The following CCDC3 variants were observed in gnomAD, a reference collection of about 807,000 sequenced individuals.
CCDC3 encodes coiled-coil domain containing 3, also known as coiled-coil domain-containing protein 3.
In CCDC3, 24 loss-of-function variants were observed where a neutral mutation model predicts 21.4. The observed-to-expected ratio is 1.12, with a 90% confidence interval of 0.81 to 1.58. The LOEUF (loss-of-function observed/expected upper bound fraction) is 1.58, where lower values mean the gene tolerates loss of function less well. Among genes scored for constraint, CCDC3 ranks in the 40% most tolerant of loss-of-function variants. The pLI is 0.00. For synonymous variants in CCDC3, 186 were observed against 166.0 expected, an observed-to-expected ratio of 1.12 and a Z score of -0.93; for missense variants, 425 against 360.9, an observed-to-expected ratio of 1.18 and a Z score of -1.44.
intron 2 of CCDC3, among the ~76,000 whole-genome samples, chr10:12,938,290 ACCAGTCCACACGTTCAATACTTTTAGCCC>A (rs1456658485): frequency 6.6e-6 from 1 of 152,072 alleles, no homozygotes; most frequent in Admixed American, 6.6e-5. Flanking sequence ...CTTTCTGATC[ACCAGTCCACACGTTCAATACTTTTAGCCC>A]CCAGTCCTCT....
intron 2 of CCDC3, among the ~76,000 whole-genome samples, chr10:12,902,020 C>T (rs1358663812): frequency 6.6e-6 from 1 of 152,216 alleles, no homozygotes; most frequent in Admixed American, 6.5e-5. Flanking sequence ...GTCCCCCTCC[C>T]CAGTCTCCAT....
At chr10:12,963,241 A>G (rs1372867977) in intron 2 of CCDC3, among the ~76,000 whole-genome samples, 1 of 152,178 alleles carries the variant, frequency 6.6e-6, no homozygotes. Flanking sequence ...ACATAGGCCA[A>G]CTGCTCACTC....
At chr10:13,087,673 G>A (rs748660393) in intron 3 of CCDC3, among the ~76,000 whole-genome samples, 15 of 151,810 alleles carry the variant, frequency 9.9e-5, no homozygotes, top group Non-Finnish European at 2.2e-4. Context: ...GATAAGCTAT[G>A]TTGGGGCTTA....
chr10:12,984,395 A>G (rs1042853167), intron 2 of CCDC3, among the ~76,000 whole-genome samples: 13 of 152,202 alleles, frequency 8.5e-5, no homozygotes, highest in African/African-American at 3.1e-4. Flanking sequence ...AATCATTAAG[A>G]TAGACAATAA....
At chr10:12,916,784 C>T (rs1004456973) in intron 2 of CCDC3, among the ~76,000 whole-genome samples, 3 of 152,204 alleles carry the variant, frequency 2.0e-5, no homozygotes, top group Admixed American at 6.5e-5. Flanking sequence ...CAAGGCTGGC[C>T]TGGAGGCTGG....
chr10:12,950,127 T>C lies in CCDC3; in HGVS notation c.549+48211A>G, dbSNP rs140165020. On this transcript the variant is annotated intron_variant, in intron 2 of 2. Coordinates refer to ENST00000378825, the MANE Select transcript of CCDC3 (RefSeq NM_031455.4). ...CCTTTCCTGCATCTACTGTTCTCTC[T>C]CCTTGTAAAAGCTTTCCTTGCCCAA... is the stretch of plus-strand genomic sequence containing the variant. Among the ~76,000 whole-genome samples the C allele has an allele frequency of 4.2e-3, 638 of 152,284 alleles. 5 individuals carry two copies. The highest frequency in any genetic ancestry group is 0.014 in the African/African-American group (596 of 41,558).
chr10:13,013,870 C>T (rs559500482), intron 5 of CCDC3, among the ~76,000 whole-genome samples: 92 of 152,234 alleles, frequency 6.0e-4, no homozygotes, highest in Admixed American at 2.0e-3. Flanking sequence ...AGACATGCAT[C>T]GCTGGGCATG....
At chr10:12,927,768 G>T (rs1265869518) in intron 2 of CCDC3, among the ~76,000 whole-genome samples, 1 of 152,060 alleles carries the variant, frequency 6.6e-6, no homozygotes, top group African/African-American at 2.4e-5. Flanking sequence ...GGGTTAATTT[G>T]AACCATATTA....
chr10:12,903,318 T>G (rs74966778), intron 2 of CCDC3, among the ~76,000 whole-genome samples: 152 of 152,342 alleles, frequency 1.0e-3, no homozygotes, highest in African/African-American at 3.3e-3. Context: ...AAGCAAGAAT[T>G]TCTAGAGGAG....
At chr10:13,005,687 T>C (rs1352055839), upstream of CCDC3, among the ~76,000 whole-genome samples, 1 of 152,182 alleles carries the variant, frequency 6.6e-6, no homozygotes, top group Non-Finnish European at 1.5e-5. Flanking sequence ...ACAACATTCC[T>C]GTTTGCCATA....
chr10:13,074,728 G>T (rs1836939680), intron 3 of CCDC3, among the ~76,000 whole-genome samples: 1 of 151,994 alleles, frequency 6.6e-6, no homozygotes, highest in Non-Finnish European at 1.5e-5. Context: ...ACTCACATGA[G>T]TTCCCCGTGC....
intron 2 of CCDC3, among the ~76,000 whole-genome samples, chr10:12,984,567 A>G (rs780638081): frequency 6.6e-6 from 1 of 152,172 alleles, no homozygotes; most frequent in African/African-American, 2.4e-5. Context: ...TTACACACCC[A>G]TGAAAAATGA....
At chr10:13,043,610 T>C (rs191141626) in intron 5 of CCDC3, among the ~76,000 whole-genome samples, 1 of 151,826 alleles carries the variant, frequency 6.6e-6, no homozygotes, top group East Asian at 1.9e-4. Flanking sequence ...TAAAATAAAA[T>C]AAAAATAAAA....
intron 2 of CCDC3, among the ~76,000 whole-genome samples, chr10:12,910,284 C>A (rs558860349): frequency 2.6e-5 from 4 of 152,124 alleles, no homozygotes; most frequent in Non-Finnish European, 4.4e-5. Context: ...TTGCTGGCTA[C>A]GTAGCTGTTT....
chr10:12,970,660 G>A (rs1211170669), intron 2 of CCDC3, among the ~76,000 whole-genome samples: 1 of 152,054 alleles, frequency 6.6e-6, no homozygotes, highest in Non-Finnish European at 1.5e-5. Flanking sequence ...AGGGCAACTG[G>A]GGATCACCTG....
chr10:13,002,126 G>A (rs1206227576), upstream of CCDC3, among the ~76,000 whole-genome samples: 2 of 152,160 alleles, frequency 1.3e-5, no homozygotes, highest in Non-Finnish European at 2.9e-5. Flanking sequence ...TTCAGTGTGG[G>A]CTGAGATCTC....
At chr10:12,996,375 G>A (rs1288889440) in intron 2 of CCDC3, among the ~76,000 whole-genome samples, 2 of 152,036 alleles carry the variant, frequency 1.3e-5, no homozygotes, top group South Asian at 2.1e-4. Flanking sequence ...TTACTCTGTC[G>A]CCCAGGCTGG....
chr10:12,957,465 CAAAG>C (rs1013488163), intron 2 of CCDC3, among the ~76,000 whole-genome samples: 7 of 152,174 alleles, frequency 4.6e-5, no homozygotes, highest in African/African-American at 9.7e-5. Flanking sequence ...CAAAATGAAA[CAAAG>C]AAAGCCGACG....
At chr10:13,028,111 G>T (rs769830858) in intron 5 of CCDC3, among the ~76,000 whole-genome samples, 1 of 152,144 alleles carries the variant, frequency 6.6e-6, no homozygotes, top group Non-Finnish European at 1.5e-5. Flanking sequence ...CCCAAATCTC[G>T]TCTTGAATTA....
Sources: gnomAD v4.1 joint callset for allele counts (sites outside exome capture counted in the v4.1 genomes callset) on GRCh38, gnomAD v4.1.1 for gene constraint, MANE v1.5 for transcripts, NCBI Gene and HGNC (gene_info 2026-07-23, HGNC 2026-07-21) for gene names.